Variants in BOC observed in about 807,000 individuals in gnomAD.
BOC encodes brother of CDO.
Under a neutral mutation model 112.0 loss-of-function variants are expected in BOC, and 76 were observed. The observed-to-expected ratio is 0.68, with a 90% CI of 0.56 to 0.82. The LOEUF is 0.82. Ranked by LOEUF, BOC falls within the 40% of genes least tolerant of loss-of-function variation. The pLI, the probability that BOC is intolerant of heterozygous loss-of-function variation, is 0.00. For synonymous variants in BOC, 580 were observed against 599.8 expected (o/e 0.97, Z 0.48); for missense variants, 1,309 against 1,511.7 (o/e 0.87, Z 2.22).
Position 113,278,861 on chromosome 3 carries a change from G to C in BOC, c.1816+78G>C. 1 of 1,270,636 alleles carries C rather than the reference G, an allele frequency of 7.9e-7. No homozygotes were observed. Among genetic ancestry groups the C allele is most frequent in the South Asian group, 1.3e-5 (1 of 77,406 alleles). The allele number at this position is 1,270,636 out of a possible 1,614,324, so 78.7% of individuals were successfully genotyped here. On this transcript the variant is annotated intron_variant, in intron 11 of 19. Transcript: ENST00000682979. The surrounding 1 kb of genome is among the most constrained non-coding windows in gnomAD (Gnocchi z 4.2). The stretch of plus-strand genomic sequence containing the variant: ...GAGGCCTGTTCCCATGGCTGAATGG[G>C]GTCTTGCTTCTGTAGGTCCAGGGTT...
In BOC at chr3:113,274,690, C is replaced by G; in HGVS notation, c.1542+8C>G. On this transcript the variant is annotated splice_region_variant and intron_variant, in intron 9 of 19. Coordinates refer to ENST00000682979, the MANE Select transcript of BOC (RefSeq NM_001378074.1). The surrounding 1 kb of genome is among the most constrained non-coding windows in gnomAD (Gnocchi z 4.8). ...GTGGTGAAACACCGCAAGGTATGGC[C>G]CTGGTGTGGGGCTGCTGCCTCCCCT... The G allele has an allele frequency of 6.3e-7, 1 of 1,576,276 alleles. No homozygotes were observed. Among genetic ancestry groups the G allele is most frequent in the East Asian group, 2.3e-5 (1 of 44,036 alleles).
chr3:113,260,721 A>ACAGAACAGAACAGAACAGAAAGAAC (rs1553737946), intron 4 of BOC, among the ~76,000 whole-genome samples: 5 of 92,220 alleles, frequency 5.4e-5, no homozygotes, highest in African/African-American at 2.1e-4. Context: ...ACAGAACAGA[A>ACAGAACAGAACAGAACAGAAAGAAC]AGAACAGAAC....
intron 2 of BOC, among the ~76,000 whole-genome samples, chr3:113,238,232 A>G (rs997426259): frequency 1.4e-4 from 22 of 152,200 alleles, no homozygotes; most frequent in African/African-American, 5.1e-4. Context: ...CAGCCTCCCC[A>G]GATTTTAGGG....
At chr3:113,262,799 G>T (rs908269122) in intron 4 of BOC, among the ~76,000 whole-genome samples, 5 of 152,326 alleles carry the variant, frequency 3.3e-5, no homozygotes, top group Non-Finnish European at 7.3e-5. Flanking sequence ...GTTGAGAATT[G>T]TGTTGGGACT....
intron 4 of BOC, among the ~76,000 whole-genome samples, chr3:113,253,005 A>G (rs1945822736): frequency 6.6e-6 from 1 of 152,176 alleles, no homozygotes; most frequent in African/African-American, 2.4e-5. Context: ...ATCATTGTAC[A>G]GTTCCCACCT....
chr3:113,226,590 C>T (rs572268103), intron 2 of BOC, among the ~76,000 whole-genome samples: 2 of 152,352 alleles, frequency 1.3e-5, no homozygotes, highest in African/African-American at 2.4e-5. Context: ...GCAGAACTAA[C>T]TTTCCCCACA....
At chr3:113,226,262 G>A (rs565897213) in intron 2 of BOC, among the ~76,000 whole-genome samples, 2 of 152,336 alleles carry the variant, frequency 1.3e-5, no homozygotes, top group Admixed American at 1.3e-4. Context: ...CCTCCCAGTG[G>A]TGTGGTCTTC....
intron 4 of BOC, among the ~76,000 whole-genome samples, chr3:113,266,455 G>A (rs1443411350): frequency 6.6e-6 from 1 of 152,160 alleles, no homozygotes; most frequent in Non-Finnish European, 1.5e-5. Context: ...TTGCAAAATA[G>A]CTTCCATTGG....
In BOC at chr3:113,241,937, G is replaced by A. The variant is rs148485435; in HGVS notation, c.-81-7785G>A. 6.1e-3 allele frequency among the ~76,000 whole-genome samples: 932 copies of A among 152,236 alleles called. 9 individuals are homozygous for A. The highest frequency in any genetic ancestry group is 0.011 in the Non-Finnish European group (731 of 68,016). ...CAGAGAAGGGAGGAGGAGGAGGCTG[G>A]AGGCAGGGTGGAGAGAGGGAGGTTG... On this transcript the variant is annotated intron_variant, in intron 2 of 19. Coordinates refer to ENST00000682979, the MANE Select transcript of BOC (RefSeq NM_001378074.1).
rs767139161 is a variant in BOC at position 113,279,966 on chromosome 3, G to A, written c.2166G>A (p.Thr722=). 26 of 1,613,084 alleles carry A rather than the reference G, an allele frequency of 1.6e-5. No individual in the cohort carries two copies. Among genetic ancestry groups the A allele is most frequent in the African/African-American group, 1.5e-4 (11 of 74,866 alleles). The stretch of plus-strand genomic sequence containing the variant: ...TGGCAGGTCCTTATATCACCTTCAC[G>A]GATGCGGTCAATGAGACCACCATCA... ...RPVAGPYITF[T]DAVNETTIML... Residue 722 remains threonine, a synonymous_variant, in exon 13 of 20, where the codon ACG becomes ACA. Transcript: ENST00000682979.
At chr3:113,229,163 C>CT (rs1385841107) in intron 2 of BOC, among the ~76,000 whole-genome samples, 2 of 152,304 alleles carry the variant, frequency 1.3e-5, no homozygotes, top group East Asian at 3.9e-4. Flanking sequence ...AAATCGACTC[C>CT]TTCGGGAAGG....
intron 7 of BOC, 27 bp downstream of exon 7, chr3:113,272,730 T>G: frequency 1.2e-6 from 2 of 1,608,666 alleles, no homozygotes; most frequent in Non-Finnish European, 1.7e-6. Context: ...GACTGTCTTC[T>G]GCTTGGCCTT....
At chr3:113,259,908 C>T (rs1946631352) in intron 4 of BOC, among the ~76,000 whole-genome samples, 1 of 152,180 alleles carries the variant, frequency 6.6e-6, no homozygotes, top group Non-Finnish European at 1.5e-5. Context: ...CAGCATCTTC[C>T]TCTCCATCTC....
At chr3:113,280,502 C>T in intron 13 of BOC, 56 bp from the exon 14 acceptor site, 1 of 1,303,938 alleles carries the variant, frequency 7.7e-7, no homozygotes, top group South Asian at 1.2e-5. Flanking sequence ...AGTGGTTTTG[C>T]TTTGATGATG....
At chr3:113,269,034 C>T (rs950813151) in intron 5 of BOC, among the ~76,000 whole-genome samples, 1 of 152,194 alleles carries the variant, frequency 6.6e-6, no homozygotes, top group Non-Finnish European at 1.5e-5. Context: ...GCTGTTCCAT[C>T]CAGGCTCTCA....
intron 9 of BOC, among the ~76,000 whole-genome samples, chr3:113,275,435 G>T (rs531215306): frequency 6.6e-6 from 1 of 152,196 alleles, no homozygotes; most frequent in South Asian, 2.1e-4. Context: ...CGCCACTCTC[G>T]CTCAAGGCCG....
intron 2 of BOC, among the ~76,000 whole-genome samples, chr3:113,236,593 C>T (rs1366540024): frequency 2.0e-5 from 3 of 151,988 alleles, no homozygotes; most frequent in African/African-American, 4.8e-5. Flanking sequence ...GATGTTTACA[C>T]TCACACAATG....
intron 2 of BOC, among the ~76,000 whole-genome samples, chr3:113,216,584 T>G (rs996057774): frequency 3.0e-4 from 45 of 152,164 alleles, no homozygotes; most frequent in African/African-American, 9.2e-4. Flanking sequence ...TAGGTTTGGG[T>G]GAGGAAAGCC....
At chr3:113,242,242 G>A (rs1049023311) in intron 2 of BOC, among the ~76,000 whole-genome samples, 2 of 152,150 alleles carry the variant, frequency 1.3e-5, no homozygotes, top group Non-Finnish European at 2.9e-5. Flanking sequence ...AGCCGGGAGT[G>A]TAGAAGAAAG....
Sources: gnomAD v4.1 joint callset for allele counts (sites outside exome capture counted in the v4.1 genomes callset) on GRCh38, gnomAD v4.1.1 for gene constraint, Gnocchi (gnomAD v3.1) non-coding constraint, MANE v1.5 for transcripts, NCBI Gene and HGNC (gene_info 2026-07-23, HGNC 2026-07-21) for gene names.